The following GEMIN5 variants were observed in gnomAD, a reference collection of about 807,000 sequenced individuals.
GEMIN5 encodes gem-associated protein 5.
GEMIN5 carries 124 observed loss-of-function variants against 176.9 expected under a neutral mutation model. That is an observed-to-expected ratio of 0.70 (90% CI 0.61 to 0.81). The LOEUF is 0.81. Among genes scored for constraint, GEMIN5 ranks in the 40% least tolerant of loss-of-function variants. The pLI is 0.00. For missense variants in GEMIN5, 1,843 were observed against 1,814.6 expected (o/e 1.02, Z -0.28); for synonymous variants, 673 against 665.2 (o/e 1.01, Z -0.18).
rs1763462135 is a variant in GEMIN5, at chr5:154,901,422, C to G, written c.2931G>C (p.Gln977His). The G allele has an allele frequency of 6.2e-7, 1 of 1,613,906 alleles. No individual in the cohort carries two copies. Among genetic ancestry groups the G allele is most frequent in the Non-Finnish European group, 8.5e-7 (1 of 1,179,896 alleles). ...AFAKQLCFQD[Q>H]YVKAASHLLS... is the part of the protein sequence containing the mutation. ...GTAGGTGAGAAGCAGCCTTGACATACTGATCCTGAAAACACAGCTGTTTGG... is the reference window on the plus strand; with the variant it reads ...GTAGGTGAGAAGCAGCCTTGACATAGTGATCCTGAAAACACAGCTGTTTGG... The change falls in exon 21 of 28, where the codon CAG (glutamine) becomes CAC (histidine). Residue 977 changes from glutamine to histidine, a missense_variant. By Grantham distance (24) the Gln-to-His change is conservative. Coordinates refer to ENST00000285873, the MANE Select transcript of GEMIN5 (RefSeq NM_015465.5).
chr5:154,901,890 C>T (rs1763473577), intron 20 of GEMIN5, among the ~76,000 whole-genome samples: 1 of 152,084 alleles, frequency 6.6e-6, no homozygotes, highest in Admixed American at 6.6e-5. Flanking sequence ...GCCTTAACCT[C>T]CCCGGGCTCA....
intron 4 of GEMIN5, 86 bp from the exon 5 acceptor site, chr5:154,931,663 TTAGC>T: frequency 9.0e-7 from 1 of 1,108,826 alleles, no homozygotes; most frequent in South Asian, 1.5e-5. Flanking sequence ...TTTCCAAAAC[TTAGC>T]TATCTCTTTC....
chr5:154,917,038 G>C lies in GEMIN5; in HGVS notation c.1815C>G (p.Asn605Lys). ...ELSYLMASGS[N>K]NAVIYVHNLK... The stretch of plus-strand genomic sequence containing the variant: ...GGTTGTGCACGTAAATGACTGCATT[G>C]TTGGAGCCAGAGGCCATCAGATAGC... Residue 605 changes from asparagine to lysine, a missense_variant, in exon 13 of 28, where the codon AAC (asparagine) becomes AAG (lysine). By Grantham distance (94) the Asn-to-Lys change is moderately conservative. Transcript: ENST00000285873. 6.2e-7 allele frequency: 1 copy of C among 1,604,406 alleles called. No individual in the cohort carries two copies. The highest frequency in any genetic ancestry group is 8.5e-7 in the Non-Finnish European group (1 of 1,173,000).
chr5:154,914,098 G>A (rs574043549), intron 13 of GEMIN5, among the ~76,000 whole-genome samples: 19 of 151,824 alleles, frequency 1.3e-4, no homozygotes, highest in Non-Finnish European at 2.4e-4. Context: ...TCGGCTCAAT[G>A]CAACCTCTGC....
chr5:154,932,922 T>C (rs911942448), intron 3 of GEMIN5, among the ~76,000 whole-genome samples: 19 of 152,232 alleles, frequency 1.2e-4, no homozygotes, highest in Admixed American at 1.2e-3. Context: ...TCTCTTTCTT[T>C]ATAAGTGATA....
In GEMIN5 at chr5:154,905,377, G is replaced by A. The variant is rs770709462; in HGVS notation, c.2495C>T (p.Pro832Leu). ...TAGATACCAACCTGGCTTCTCTTTT[G>A]GTGGCTCCTTTTTCAGTAAAATGAC... is the stretch of plus-strand genomic sequence containing the variant. ...NKVILLKKEP[P>L]KEKPETLIKK... Residue 832 changes from proline (P) to leucine (L), a missense_variant, in exon 17 of 28, where the codon CCA becomes CTA. Transcript: ENST00000285873. The A allele has an allele frequency of 6.3e-7, 1 of 1,584,088 alleles. No individual in the cohort carries two copies. Among genetic ancestry groups the A allele is most frequent in the Non-Finnish European group, 8.6e-7 (1 of 1,157,874 alleles).
rs1280569464 is a variant in GEMIN5 at position 154,888,107 on chromosome 5, A to G, written c.*103T>C. 2.7e-6 allele frequency: 3 copies of G among 1,119,128 alleles called. No homozygotes were observed. The highest frequency in any genetic ancestry group is 4.0e-6 in the Non-Finnish European group (3 of 750,336). The allele number at this position is 1,119,128 out of a possible 1,614,324, so 69.3% of individuals were successfully genotyped here. ...GTTTGTATTCTTTTGGATTACTGCA[A>G]AAACATCTAGGGACCAGAGTGAATG... On this transcript the variant is annotated 3_prime_UTR_variant, in exon 28 of 28. Transcript: ENST00000285873.
Position 154,896,113 on chromosome 5 carries a change from T to A in GEMIN5, c.3576A>T (p.Thr1192=), listed in dbSNP as rs1196696767. ...KLQNIKYPSA[T]NNTPAKQLLL... The stretch of plus-strand genomic sequence containing the variant: ...TTACCTGTTTGGCAGGTGTGTTATT[T>A]GTAGCAGATGGGTACTTGATGTTCT... The change falls in exon 24 of 28, where the codon ACA becomes ACT. Residue 1192 remains threonine, a synonymous_variant. Transcript: ENST00000285873. 6.2e-7 allele frequency: 1 copy of A among 1,613,624 alleles called. No homozygotes were observed. Among genetic ancestry groups the A allele is most frequent in the South Asian group, 1.1e-5 (1 of 90,952 alleles).
At chr5:154,928,810 T>C (rs984700584) in intron 5 of GEMIN5, 151 bp from the exon 6 acceptor site, 15 of 651,846 alleles carry the variant, frequency 2.3e-5, no homozygotes, top group Non-Finnish European at 3.7e-5. Flanking sequence ...GGTTACAATT[T>C]TAACCATTAT....
At chr5:154,930,761 A>G (rs538162375) in intron 5 of GEMIN5, among the ~76,000 whole-genome samples, 62 of 152,296 alleles carry the variant, frequency 4.1e-4, no homozygotes, top group African/African-American at 1.3e-3. Flanking sequence ...AGTGTACTTC[A>G]TACCACTTAA....
At chr5:154,912,136 T>G (rs1763715825) in intron 14 of GEMIN5, among the ~76,000 whole-genome samples, 1 of 152,180 alleles carries the variant, frequency 6.6e-6, no homozygotes, top group Non-Finnish European at 1.5e-5. Context: ...TTGAATGAGC[T>G]TCTACTGGTG....
chr5:154,903,907 T>C (rs1434642499), intron 18 of GEMIN5, among the ~76,000 whole-genome samples: 1 of 152,122 alleles, frequency 6.6e-6, no homozygotes, highest in Admixed American at 6.5e-5. Flanking sequence ...CAAGTGATCC[T>C]TCTGCTTCAG....
At chr5:154,937,864 C>T (rs1764302288) in intron 1 of GEMIN5, 104 bp downstream of exon 1, 1 of 1,034,586 alleles carries the variant, frequency 9.7e-7, no homozygotes, top group African/African-American at 1.7e-5. Context: ...CCAGCCTGGG[C>T]CTCAGTTTCC....
In GEMIN5 at chr5:154,912,900, T is replaced by C; in HGVS notation, c.1994A>G (p.Gln665Arg). The C allele has an allele frequency of 6.2e-7, 1 of 1,613,078 alleles. No homozygotes were observed. Among genetic ancestry groups the C allele is most frequent in the Non-Finnish European group, 8.5e-7 (1 of 1,179,386 alleles). Residue 665 changes from glutamine (Q) to arginine (R), a missense_variant and splice_region_variant, in exon 14 of 28, where the codon CAG (glutamine) becomes CGG (arginine). Transcript: ENST00000285873. ...LVSASYDGTA[Q>R]VWDALREEPL... ...ACAGGGACAAGGACACAATAGTACCTGGGCTGTACCATCATAGGAAGCAGA... is the reference window on the plus strand; with the variant it reads ...ACAGGGACAAGGACACAATAGTACCCGGGCTGTACCATCATAGGAAGCAGA...
intron 18 of GEMIN5, 93 bp from the exon 19 acceptor site, chr5:154,903,268 C>T (rs892277852): frequency 1.3e-6 from 1 of 788,350 alleles, no homozygotes; most frequent in South Asian, 1.6e-5. Flanking sequence ...TTTGGAACAC[C>T]CACTTCAGAC....
rs528409150 is a variant in GEMIN5 at position 154,929,303 on chromosome 5, T to G, written c.782-644A>C. ...GAACCCAGCTAGTAACACAGCTGAG[T>G]TGTGTACCCAAAAGTATTGCAGTGA... On this transcript the variant is annotated intron_variant, in intron 5 of 27. Coordinates refer to ENST00000285873, the MANE Select transcript of GEMIN5 (RefSeq NM_015465.5). Among the ~76,000 whole-genome samples, 8 of 152,032 alleles carry G rather than the reference T, an allele frequency of 5.3e-5. No individual in the cohort carries two copies. In the South Asian group the frequency reaches 1.7e-3, roughly 32 times the overall value.
At chr5:154,897,979 A>C (rs816741) in intron 23 of GEMIN5, among the ~76,000 whole-genome samples, 141,397 of 148,692 alleles carry the variant, frequency 0.95, 67,370 homozygotes, top group South Asian at 0.99. Context: ...GGCTCGCTGC[A>C]ACCTCCGCCT....
At chr5:154,930,606 A>G (rs532782926) in intron 5 of GEMIN5, among the ~76,000 whole-genome samples, 2 of 152,328 alleles carry the variant, frequency 1.3e-5, no homozygotes, top group East Asian at 1.9e-4. Context: ...GACATATCAT[A>G]TGTATAACTT....
chr5:154,922,359 G>C (rs1763941094), intron 9 of GEMIN5, among the ~76,000 whole-genome samples: 1 of 152,074 alleles, frequency 6.6e-6, no homozygotes, highest in African/African-American at 2.4e-5. Context: ...AGTAGAGATG[G>C]GGTTTCACAG....
Sources: allele counts gnomAD v4.1 joint callset (sites outside exome capture counted in the v4.1 genomes callset), GRCh38; gene constraint gnomAD v4.1.1; transcripts MANE v1.5; gene names NCBI Gene and HGNC (gene_info 2026-07-23, HGNC 2026-07-21).